Variants in ADGRL3 observed in about 807,000 individuals in gnomAD.
ADGRL3 encodes the protein calcium-independent alpha-latrotoxin receptor 3.
Under a neutral mutation model 153.5 loss-of-function variants are expected in ADGRL3, and 62 were observed. The observed-to-expected ratio is 0.40, with a 90% confidence interval of 0.33 to 0.50. The LOEUF is 0.50. ADGRL3 is among the 20% of genes least tolerant of loss of function. The pLI, the probability that ADGRL3 is intolerant of heterozygous loss-of-function variation, is 0.47. For synonymous variants in ADGRL3, 710 were observed against 672.5 expected (o/e 1.06, Z -0.86); for missense variants, 1,641 against 1,859.4 (o/e 0.88, Z 2.16).
At chr4:61,835,849 A>G (rs1399791071) in intron 9 of ADGRL3, among the ~76,000 whole-genome samples, 1 of 152,344 alleles carries the variant, frequency 6.6e-6, no homozygotes, top group African/African-American at 2.4e-5. Flanking sequence ...CTACTGAGCT[A>G]CACAGCATTG....
chr4:61,277,248 A>G (rs1262622700), intron 1 of ADGRL3, among the ~76,000 whole-genome samples: 4 of 152,160 alleles, frequency 2.6e-5, no homozygotes, highest in African/African-American at 9.7e-5. Flanking sequence ...TTTCTGAATG[A>G]TAATATAAGC....
At chr4:61,550,527 C>A (rs937603033) in intron 4 of ADGRL3, among the ~76,000 whole-genome samples, 1 of 151,890 alleles carries the variant, frequency 6.6e-6, no homozygotes, top group Non-Finnish European at 1.5e-5. Flanking sequence ...TATGGCAAAA[C>A]ATATTATTTC....
intron 4 of ADGRL3, among the ~76,000 whole-genome samples, chr4:61,556,257 A>T (rs1298421148): frequency 6.6e-6 from 1 of 152,196 alleles, no homozygotes; most frequent in Non-Finnish European, 1.5e-5. Context: ...AAATATAAAG[A>T]ATATAGTCAG....
At chr4:61,607,754 A>C (rs2099038246) in intron 5 of ADGRL3, among the ~76,000 whole-genome samples, 1 of 152,230 alleles carries the variant, frequency 6.6e-6, no homozygotes, top group African/African-American at 2.4e-5. Flanking sequence ...GACCTCTGCA[A>C]TAATCCTAAT....
At position 61,587,140 on chromosome 4, in the gene ADGRL3, C is replaced by T. The variant is rs990445755; in HGVS notation, c.260-87C>T. On this transcript the variant is annotated intron_variant, in intron 4 of 26. Coordinates refer to ENST00000683033, the MANE Select transcript of ADGRL3 (RefSeq NM_001387552.1). ...TGCTTTATATCTTCGTATTGATTTA[C>T]CCCAAACATTGGAAAAGCGAACACA... is the stretch of plus-strand genomic sequence containing the variant. The T allele has an allele frequency of 3.8e-6, 3 of 779,230 alleles. No homozygotes were observed. In the African/African-American group the frequency reaches 5.2e-5, roughly 14 times the overall value. 48.3% of individuals were successfully genotyped at this position (779,230 alleles called of 1,614,324 possible).
intron 9 of ADGRL3, among the ~76,000 whole-genome samples, chr4:61,869,280 C>G (rs531381973): frequency 1.3e-5 from 2 of 152,062 alleles, no homozygotes; most frequent in Admixed American, 1.3e-4. Context: ...TTACCAAGTT[C>G]CTATTATGTA....
intron 1 of ADGRL3, among the ~76,000 whole-genome samples, chr4:61,301,268 T>C (rs2094573882): frequency 6.6e-6 from 1 of 152,200 alleles, no homozygotes; most frequent in Non-Finnish European, 1.5e-5. Flanking sequence ...GACCTTGCAA[T>C]TCATTTTCCA....
At chr4:62,068,263 T>C in intron 26 of ADGRL3, 80 bp downstream of exon 26, 1 of 1,306,050 alleles carries the variant, frequency 7.7e-7, no homozygotes, top group South Asian at 1.4e-5. Context: ...ATAGATGATG[T>C]AGTTATTAAA....
chr4:61,980,958 T>C (rs890568828), intron 18 of ADGRL3, among the ~76,000 whole-genome samples: 4 of 152,206 alleles, frequency 2.6e-5, no homozygotes, highest in Non-Finnish European at 5.9e-5. Context: ...TGCAGGTTTT[T>C]GTGTGGACAT....
intron 17 of ADGRL3, among the ~76,000 whole-genome samples, chr4:61,963,289 G>A (rs1254249096): frequency 6.6e-6 from 1 of 151,224 alleles, no homozygotes; most frequent in Admixed American, 6.6e-5. Context: ...AGGTTCAGGG[G>A]ATACATGTGC....
intron 17 of ADGRL3, among the ~76,000 whole-genome samples, chr4:61,978,943 A>G (rs2099057780): frequency 6.6e-6 from 1 of 152,206 alleles, no homozygotes; most frequent in African/African-American, 2.4e-5. Context: ...TATAAATCCA[A>G]TGAATATCCT....
At chr4:61,454,592 G>A (rs1282641079) in intron 2 of ADGRL3, among the ~76,000 whole-genome samples, 1 of 152,052 alleles carries the variant, frequency 6.6e-6, no homozygotes, top group Non-Finnish European at 1.5e-5. Flanking sequence ...CTGAGTTTTA[G>A]AATACCTTAT....
chr4:61,516,366 A>G (rs1042808729), intron 3 of ADGRL3, among the ~76,000 whole-genome samples: 1 of 62,520 alleles, frequency 1.6e-5, no homozygotes, highest in Non-Finnish European at 3.1e-5. Context: ...ATAACCTGTT[A>G]AAAAATACTT....
chr4:61,202,721 G>A lies in ADGRL3; in HGVS notation c.-240+956G>A, dbSNP rs1735328757. Among the ~76,000 whole-genome samples, 1 of 152,176 alleles carries A rather than the reference G, an allele frequency of 6.6e-6. No homozygotes were observed. The highest frequency in any genetic ancestry group is 2.4e-5 in the African/African-American group (1 of 41,456). The stretch of plus-strand genomic sequence containing the variant: ...ACGTCGGAGCTCAGAAGCTTAGGGT[G>A]CCAGGCCCCCAGCACTATAGGTGGG... On this transcript the variant is annotated intron_variant, in intron 1 of 26. Transcript: ENST00000683033. This position sits in a 1 kb window ranked among gnomAD's most constrained non-coding sequence, Gnocchi z 5.0.
intron 9 of ADGRL3, among the ~76,000 whole-genome samples, chr4:61,857,006 T>TTCTTTCTTTCTCTCTTTCTC (rs796589157): frequency 8.9e-6 from 1 of 112,628 alleles, no homozygotes; most frequent in Non-Finnish European, 1.9e-5. Context: ...CTTTCTTTCT[T>TTCTTTCTTTCTCTCTTTCTC]TCTTTCTTTC....
At chr4:61,267,107 G>C (rs761589823) in intron 1 of ADGRL3, among the ~76,000 whole-genome samples, 8 of 151,608 alleles carry the variant, frequency 5.3e-5, no homozygotes, top group Non-Finnish European at 7.4e-5. Flanking sequence ...TAAATAAGTA[G>C]CATAATGAAA....
Position 61,429,007 on chromosome 4 carries a change from AT to A in ADGRL3, c.-174+45820del, listed in dbSNP as rs1206529377. 8.0e-4 allele frequency among the ~76,000 whole-genome samples: 121 copies of A among 152,084 alleles called. 1 individual carries two copies. The highest frequency in any genetic ancestry group is 7.8e-3 in the Admixed American group (119 of 15,244). On this transcript the variant is annotated intron_variant, in intron 2 of 26. Transcript: ENST00000683033. ...GGCTTAATGAAAAAAAGCATTTTTC[AT>A]TGAAATAATCTATTATAAATATAGA... is the stretch of plus-strand genomic sequence containing the variant.
chr4:61,890,321 A>C (rs890608523), intron 9 of ADGRL3, among the ~76,000 whole-genome samples: 3 of 152,192 alleles, frequency 2.0e-5, no homozygotes, highest in African/African-American at 4.8e-5. Context: ...TTAGCTTTTA[A>C]CTATTGCCTT....
chr4:61,872,244 G>A (rs1561394670), intron 9 of ADGRL3, among the ~76,000 whole-genome samples: 1 of 152,134 alleles, frequency 6.6e-6, no homozygotes, highest in African/African-American at 2.4e-5. Flanking sequence ...GAAGGGAAAA[G>A]CCCTGTGACT....
Sources: allele counts gnomAD v4.1 joint callset (sites outside exome capture counted in the v4.1 genomes callset), GRCh38; gene constraint gnomAD v4.1.1; non-coding constraint Gnocchi (gnomAD v3.1); transcripts MANE v1.5; gene names NCBI Gene and HGNC (gene_info 2026-07-23, HGNC 2026-07-21).